SELENOF: variants seen among roughly 807,000 people sequenced by gnomAD.
SELENOF encodes selenoprotein F.
In SELENOF, 16 loss-of-function variants were observed where a neutral mutation model predicts 20.5. That is an observed-to-expected ratio of 0.78 (90% CI 0.53 to 1.19). SELENOF has a LOEUF of 1.19. Among genes scored for constraint, SELENOF ranks in the 50% most tolerant of loss-of-function variants. The probability of loss-of-function intolerance (pLI) is 0.00; values close to 1 mark genes in which losing one functional copy is unlikely to be tolerated. For missense variants in SELENOF, 215 were observed against 194.2 expected (o/e 1.11, Z -0.64); for synonymous variants, 78 against 74.5 (o/e 1.05, Z -0.24).
At position 86,900,563 on chromosome 1, in the gene SELENOF, CAGAGGGAGACCGTGGAAAGAGAGGG is replaced by C. The variant is rs920323607; in HGVS notation, c.252+2693_252+2717del. 5.9e-5 allele frequency among the ~76,000 whole-genome samples: 9 copies of C among 151,762 alleles called. No individual in the cohort carries two copies. In the South Asian group the frequency reaches 6.2e-4, roughly 11 times the overall value. Reference sequence around the variant, plus strand: ...GTACAGTCCAGCTTCGGCTCGGCATCAGAGGGAGACCGTGGAAAGAGAGGGAGAGGGAGACCGTGGGGAGAGGGAG... The same window carrying C: ...GTACAGTCCAGCTTCGGCTCGGCATCAGAGGGAGACCGTGGGGAGAGGGAG... On this transcript the variant is annotated intron_variant, in intron 2 of 4. Coordinates refer to ENST00000331835, the MANE Select transcript of SELENOF (RefSeq NM_004261.5).
chr1:86,873,531 G>A (rs567540359), intron 3 of SELENOF, among the ~76,000 whole-genome samples: 1 of 152,094 alleles, frequency 6.6e-6, no homozygotes, highest in South Asian at 2.1e-4. Flanking sequence ...TGTGTCTAAG[G>A]AACTGAATGT....
At chr1:86,896,015 G>C (rs557995733) in intron 2 of SELENOF, among the ~76,000 whole-genome samples, 74 of 152,280 alleles carry the variant, frequency 4.9e-4, no homozygotes, top group African/African-American at 1.8e-3. Context: ...AACACCTGAG[G>C]TCAGTAGTTT....
chr1:86,883,901 G>T (rs1428586221), intron 2 of SELENOF, among the ~76,000 whole-genome samples: 2 of 152,106 alleles, frequency 1.3e-5, no homozygotes, highest in African/African-American at 4.8e-5. Context: ...AATATCAACT[G>T]ATTAACCAAA....
intron 1 of SELENOF, among the ~76,000 whole-genome samples, chr1:86,907,824 TA>T (rs1659869644): frequency 1.3e-5 from 2 of 151,814 alleles, no homozygotes; most frequent in Admixed American, 1.3e-4. Flanking sequence ...TCTCTACTAA[TA>T]ATACAAAAAA....
intron 3 of SELENOF, among the ~76,000 whole-genome samples, chr1:86,875,206 A>G (rs1250349551): frequency 1.3e-5 from 2 of 151,772 alleles, no homozygotes; most frequent in Non-Finnish European, 2.9e-5. Context: ...ACGCCACTGC[A>G]CTCCAGCCTG....
chr1:86,871,548 G>T (rs1658769315), intron 3 of SELENOF, among the ~76,000 whole-genome samples: 1 of 152,148 alleles, frequency 6.6e-6, no homozygotes, highest in South Asian at 2.1e-4. Context: ...AACTGAAAAA[G>T]TATAATAAAA....
chr1:86,876,549 A>G (rs78026546), intron 3 of SELENOF, among the ~76,000 whole-genome samples: 3,007 of 152,262 alleles, frequency 0.02, 107 homozygotes, highest in African/African-American at 0.061. Context: ...AAATCATCTA[A>G]ATGGAAATGT....
intron 2 of SELENOF, among the ~76,000 whole-genome samples, chr1:86,893,930 T>C (rs1014601230): frequency 2.0e-5 from 3 of 152,222 alleles, no homozygotes; most frequent in East Asian, 1.9e-4. Context: ...GGTCCACTTA[T>C]TCAATTCTAG....
intron 1 of SELENOF, among the ~76,000 whole-genome samples, chr1:86,910,195 A>G (rs1166418108): frequency 6.6e-6 from 1 of 152,246 alleles, no homozygotes; most frequent in Non-Finnish European, 1.5e-5. Flanking sequence ...TCGTTAAAGT[A>G]GTGTACTTCC....
intron 1 of SELENOF, chr1:86,913,818 G>A: frequency 3.4e-6 from 2 of 589,240 alleles, no homozygotes; most frequent in South Asian, 2.1e-5. Flanking sequence ...AAGACAATCT[G>A]AAATCAAGAG....
At chr1:86,891,731 T>C (rs1417970085) in intron 2 of SELENOF, among the ~76,000 whole-genome samples, 2 of 152,182 alleles carry the variant, frequency 1.3e-5, no homozygotes, top group Non-Finnish European at 2.9e-5. Flanking sequence ...ATGAAACATA[T>C]ATTGATACTT....
intron 4 of SELENOF, among the ~76,000 whole-genome samples, chr1:86,866,677 C>T (rs1430916574): frequency 6.6e-6 from 1 of 152,058 alleles, no homozygotes; most frequent in Non-Finnish European, 1.5e-5. Context: ...ACCAAAGACA[C>T]ACAGATGGCA....
intron 2 of SELENOF, among the ~76,000 whole-genome samples, chr1:86,893,867 G>A (rs1659452527): frequency 6.6e-6 from 1 of 152,132 alleles, no homozygotes; most frequent in Admixed American, 6.6e-5. Context: ...AAATGGGAGT[G>A]GGAAGTGGAG....
At position 86,914,049 on chromosome 1, in the gene SELENOF, C is replaced by T. The variant is rs746555902; in HGVS notation, c.63G>A (p.Leu21=). 8 of 1,613,980 alleles carry T rather than the reference C, an allele frequency of 5.0e-6. No individual in the cohort carries two copies. The highest frequency in any genetic ancestry group is 5.9e-6 in the Non-Finnish European group (7 of 1,179,880). ...CLVPAFGLRL[L]LATVLQAVSA... ...TCACCGCTTGAAGCACAGTCGCCAACAACAACCGTAGCCCAAACGCCGGCA... is the reference window on the plus strand; with the variant it reads ...TCACCGCTTGAAGCACAGTCGCCAATAACAACCGTAGCCCAAACGCCGGCA... The change falls in exon 1 of 5, where the codon TTG becomes TTA. Residue 21 remains leucine (L), a synonymous_variant. Transcript: ENST00000331835.
In SELENOF at chr1:86,870,918, C is replaced by T. The variant is rs1331519036; in HGVS notation, c.317-2816G>A. ...ACAGGCGTGAGCCACTGTGCCCGGC[C>T]AGTAAAAAGATTTTTTTTTTTTAAC... On this transcript the variant is annotated intron_variant, in intron 3 of 4. Coordinates refer to ENST00000331835, the MANE Select transcript of SELENOF (RefSeq NM_004261.5). Among the ~76,000 whole-genome samples, 3 of 151,012 alleles carry T rather than the reference C, an allele frequency of 2.0e-5. No homozygotes were observed. In the East Asian group the frequency reaches 5.8e-4, roughly 29 times the overall value.
Position 86,863,501 on chromosome 1 carries a change from G to A in SELENOF, c.471C>T (p.Phe157=). Residue 157 remains phenylalanine, a synonymous_variant, in exon 5 of 5, where the codon TTC becomes TTT. Transcript: ENST00000331835. The part of the protein sequence containing the change: ...LKWNTDSVEE[F]LSEKLERI Reference sequence around the variant, plus strand: ...ATATGCGTTCCAACTTTTCACTCAGGAATTCTTCTACACTGTCTGTGTTCC... The same window carrying A: ...ATATGCGTTCCAACTTTTCACTCAGAAATTCTTCTACACTGTCTGTGTTCC... The A allele has an allele frequency of 1.2e-6, 2 of 1,612,206 alleles. No individual in the cohort carries two copies. The highest frequency in any genetic ancestry group is 1.7e-6 in the Non-Finnish European group (2 of 1,179,256).
intron 3 of SELENOF, among the ~76,000 whole-genome samples, chr1:86,875,479 A>G (rs1005001110): frequency 6.6e-6 from 1 of 152,216 alleles, no homozygotes; most frequent in African/African-American, 2.4e-5. Flanking sequence ...TCAAGGGCAT[A>G]TAACAAATGG....
chr1:86,870,186 CTTA>C (rs1316634611), intron 3 of SELENOF, among the ~76,000 whole-genome samples: 2 of 152,152 alleles, frequency 1.3e-5, no homozygotes, highest in South Asian at 2.1e-4. Context: ...CTTTTGAGAA[CTTA>C]TTTTTACTTT....
Position 86,903,383 on chromosome 1 carries a change from C to A in SELENOF, c.150G>T (p.Leu50Phe), listed in dbSNP as rs1201078449. 1 of 1,611,980 alleles carries A rather than the reference C, an allele frequency of 6.2e-7. No individual in the cohort carries two copies. Among genetic ancestry groups the A allele is most frequent in the Non-Finnish European group, 8.5e-7 (1 of 1,178,962 alleles). ...CGAGAAGATCACAAGAGCTGCAAAG[C>A]AAGTTGCTAGAAAAGCCTAACTCTC... ...ACRELGFSSNLLCSSCDLLGQ... is the reference protein window; with the variant it reads ...ACRELGFSSNFLCSSCDLLGQ... The change falls in exon 2 of 5, where the codon TTG (leucine) becomes TTT (phenylalanine). Residue 50 changes from leucine (L) to phenylalanine (F), a missense_variant. Leu to Phe is a conservative substitution (Grantham distance 22). Coordinates refer to ENST00000331835, the MANE Select transcript of SELENOF (RefSeq NM_004261.5).
Sources: allele counts gnomAD v4.1 joint callset (sites outside exome capture counted in the v4.1 genomes callset), GRCh38; gene constraint gnomAD v4.1.1; transcripts MANE v1.5; gene names NCBI Gene and HGNC (gene_info 2026-07-23, HGNC 2026-07-21).